PTPRT: variants seen among roughly 807,000 people sequenced by gnomAD.
PTPRT encodes the protein protein tyrosine phosphatase receptor type T, also known as receptor-type tyrosine-protein phosphatase T.
Under a neutral mutation model 176.8 loss-of-function variants are expected in PTPRT, and 56 were observed. The observed-to-expected ratio is 0.32, with a 90% CI of 0.26 to 0.40. The LOEUF (loss-of-function observed/expected upper bound fraction) is 0.40, where lower values mean the gene tolerates loss of function less well. PTPRT is among the 10% of genes least tolerant of loss of function. PTPRT has a pLI of 1.00. For missense variants in PTPRT, 1,540 were observed against 1,908.2 expected (o/e 0.81, Z 3.60); for synonymous variants, 783 against 739.0 (o/e 1.06, Z -0.96).
chr20:42,089,835 G>C (rs1404760366), intron 27 of PTPRT, among the ~76,000 whole-genome samples: 2 of 152,116 alleles, frequency 1.3e-5, no homozygotes, highest in African/African-American at 4.8e-5. Context: ...AAGCAGGGGG[G>C]CCATGTTTTC....
chr20:42,319,262 CTT>C lies in PTPRT; in HGVS notation c.1866-3268_1866-3267del, dbSNP rs11483379. On this transcript the variant is annotated intron_variant, in intron 11 of 30. Transcript: ENST00000373187. ...TTTCATTCATAGCTCAGTATCCTTCCTTTTTTTTTTTTTTTCTATTTTCTTCT... is the reference window on the plus strand; with the variant it reads ...TTTCATTCATAGCTCAGTATCCTTCCTTTTTTTTTTTTTCTATTTTCTTCT... Among the ~76,000 whole-genome samples the C allele has an allele frequency of 8.5e-4, 121 of 142,646 alleles. 2 individuals are homozygous for C. Among genetic ancestry groups the C allele is most frequent in the Middle Eastern group, 3.6e-3 (1 of 274 alleles). 93.6% of individuals were successfully genotyped at this position (142,646 alleles called of 152,430 possible).
intron 7 of PTPRT, among the ~76,000 whole-genome samples, chr20:42,550,966 AC>A (rs1244914661): frequency 6.6e-6 from 1 of 151,912 alleles, no homozygotes; most frequent in Non-Finnish European, 1.5e-5. Flanking sequence ...TCGGAATTGG[AC>A]TCGATTCTCC....
chr20:42,830,698 C>G (rs928807711), intron 2 of PTPRT, among the ~76,000 whole-genome samples: 1 of 152,124 alleles, frequency 6.6e-6, no homozygotes, highest in Admixed American at 6.6e-5. Flanking sequence ...CTATATAAAT[C>G]AGGATACAAA....
intron 12 of PTPRT, among the ~76,000 whole-genome samples, chr20:42,303,732 C>T (rs1231530175): frequency 6.6e-6 from 1 of 152,024 alleles, no homozygotes; most frequent in African/African-American, 2.4e-5. Context: ...TTGAGGTTGT[C>T]CAGGCAGAAG....
intron 12 of PTPRT, among the ~76,000 whole-genome samples, chr20:42,313,269 A>G (rs1040666853): frequency 2.6e-5 from 4 of 152,184 alleles, no homozygotes; most frequent in African/African-American, 9.6e-5. Context: ...AAAATGGACA[A>G]ACAGCAGCCC....
intron 18 of PTPRT, among the ~76,000 whole-genome samples, chr20:42,132,366 G>A (rs966902365): frequency 6.6e-6 from 1 of 152,156 alleles, no homozygotes; most frequent in Non-Finnish European, 1.5e-5. Flanking sequence ...AAAGTGCTAG[G>A]ACATTAAGAA....
intron 1 of PTPRT, among the ~76,000 whole-genome samples, chr20:43,166,405 A>C (rs79425534): frequency 0.027 from 4,144 of 151,860 alleles, 188 homozygotes; most frequent in African/African-American, 0.091. Flanking sequence ...TTTTTCTTTA[A>C]TGCTGATTGT....
At chr20:42,066,461 G>A in the PTPRT span, among the ~76,000 whole-genome samples, 1 of 151,698 alleles carries the variant, frequency 6.6e-6, no homozygotes, top group Non-Finnish European at 1.5e-5. Flanking sequence ...TTTTTTTGGT[G>A]TGTATTCTGT....
At chr20:42,062,677 GC>G in the PTPRT span, among the ~76,000 whole-genome samples, 3 of 152,128 alleles carry the variant, frequency 2.0e-5, no homozygotes, top group Non-Finnish European at 4.4e-5. Flanking sequence ...GGAGGCCTCT[GC>G]CCCCTTTTTT....
chr20:42,084,019 G>C (rs1339382159), intron 29 of PTPRT, among the ~76,000 whole-genome samples: 1 of 152,208 alleles, frequency 6.6e-6, no homozygotes, highest in Non-Finnish European at 1.5e-5. Flanking sequence ...GATAAAGTGT[G>C]TTCACTTTCT....
intron 5 of PTPRT, among the ~76,000 whole-genome samples, chr20:42,764,995 T>C (rs996334044): frequency 2.0e-5 from 3 of 152,146 alleles, no homozygotes; most frequent in Non-Finnish European, 2.9e-5. Flanking sequence ...CCGGCTGCAG[T>C]AAAGACTGAT....
intron 1 of PTPRT, among the ~76,000 whole-genome samples, chr20:42,933,785 G>T (rs902727437): frequency 6.6e-6 from 1 of 152,170 alleles, no homozygotes; most frequent in African/African-American, 2.4e-5. Flanking sequence ...GTCAGAAGAA[G>T]AAGAGGCCAC....
chr20:43,055,445 T>C (rs563655372), intron 1 of PTPRT, among the ~76,000 whole-genome samples: 4 of 152,274 alleles, frequency 2.6e-5, no homozygotes, highest in African/African-American at 9.6e-5. Flanking sequence ...TCCATCAGCA[T>C]GCTGTTCACC....
chr20:42,821,304 CA>C lies in PTPRT; in HGVS notation c.215-29839del, dbSNP rs2077889179. ...TCCATCACATAAACAGAACCAAAGACAAAAACCACATGATTATCTCAATAGG... is the reference window on the plus strand; with the variant it reads ...TCCATCACATAAACAGAACCAAAGACAAAACCACATGATTATCTCAATAGG... On this transcript the variant is annotated intron_variant, in intron 2 of 30. Coordinates refer to ENST00000373187, the MANE Select transcript of PTPRT (RefSeq NM_007050.6). Among the ~76,000 whole-genome samples the C allele has an allele frequency of 2.0e-5, 3 of 152,174 alleles. No homozygotes were observed. The South Asian group carries it at 6.2e-4, about 32-fold the overall frequency.
the PTPRT span, among the ~76,000 whole-genome samples, chr20:42,066,793 A>G: frequency 1.3e-5 from 2 of 152,310 alleles, no homozygotes; most frequent in African/African-American, 2.4e-5. Flanking sequence ...TATAATTTCT[A>G]TATTCACTAT....
the PTPRT span, among the ~76,000 whole-genome samples, chr20:42,036,435 G>A: frequency 1.3e-5 from 2 of 152,242 alleles, no homozygotes; most frequent in East Asian, 1.9e-4. Flanking sequence ...TTATGGATGG[G>A]GAAACTGAGG....
intron 1 of PTPRT, among the ~76,000 whole-genome samples, chr20:43,001,759 G>C (rs570489254): frequency 6.6e-6 from 1 of 152,178 alleles, no homozygotes; most frequent in East Asian, 1.9e-4. Context: ...GTTTTACCAA[G>C]AAAGATCACT....
rs532967725 is a variant in PTPRT at position 42,186,272 on chromosome 20, G to A, written c.2491+12968C>T. On this transcript the variant is annotated intron_variant, in intron 16 of 30. Transcript: ENST00000373187. ...CATTGTAGTACAAAAGCAACCATAG[G>A]AAATGCATGAACAAATAAGCATGGT... Among the ~76,000 whole-genome samples the A allele has an allele frequency of 7.6e-4, 115 of 152,056 alleles. 1 individual carries two copies. Among genetic ancestry groups the A allele is most frequent in the Middle Eastern group, 3.4e-3 (1 of 294 alleles).
chr20:42,236,578 T>C (rs558352314), intron 14 of PTPRT, among the ~76,000 whole-genome samples: 2 of 150,136 alleles, frequency 1.3e-5, no homozygotes, highest in Non-Finnish European at 3.0e-5. Context: ...CAAAACTAGA[T>C]TCCTTGTAAT....
Sources: gnomAD v4.1 joint callset for allele counts (sites outside exome capture counted in the v4.1 genomes callset) on GRCh38, gnomAD v4.1.1 for gene constraint, MANE v1.5 for transcripts, NCBI Gene and HGNC (gene_info 2026-07-23, HGNC 2026-07-21) for gene names.